The following KCNQ5 variants were observed in gnomAD, a reference collection of about 807,000 sequenced individuals.
The protein encoded by KCNQ5 is potassium voltage-gated channel subfamily KQT member 5.
Under a neutral mutation model 98.2 loss-of-function variants are expected in KCNQ5, and 30 were observed. The ratio of observed to expected loss-of-function variants is 0.31; its 90% CI spans 0.23 to 0.41. The LOEUF (loss-of-function observed/expected upper bound fraction) is 0.41. KCNQ5 is among the 10% of genes least tolerant of loss of function. The probability of loss-of-function intolerance (pLI) is 1.00; values close to 1 mark genes in which losing one functional copy is unlikely to be tolerated. For missense variants in KCNQ5, 835 were observed against 1,182.5 expected (o/e 0.71, Z 4.31); for synonymous variants, 458 against 449.4 (o/e 1.02, Z -0.24).
At chr6:72,665,626 A>C (rs1330310444) in intron 1 of KCNQ5, among the ~76,000 whole-genome samples, 1 of 152,222 alleles carries the variant, frequency 6.6e-6, no homozygotes, top group African/African-American at 2.4e-5. Flanking sequence ...GTCTCTGCCC[A>C]AAGCAACCAG....
intron 3 of KCNQ5, among the ~76,000 whole-genome samples, chr6:73,057,451 C>CACAT (rs1326830732): frequency 2.0e-5 from 3 of 151,664 alleles, no homozygotes; most frequent in African/African-American, 7.3e-5. Context: ...GCACATTGTG[C>CACAT]ACATGTACCT....
chr6:73,048,648 T>C (rs1772078568), intron 3 of KCNQ5, among the ~76,000 whole-genome samples: 1 of 152,186 alleles, frequency 6.6e-6, no homozygotes, highest in Non-Finnish European at 1.5e-5. Context: ...GAACTTCATA[T>C]CAGCAATATA....
chr6:72,819,859 T>C (rs980678640), intron 1 of KCNQ5, among the ~76,000 whole-genome samples: 2 of 152,244 alleles, frequency 1.3e-5, no homozygotes, highest in Non-Finnish European at 2.9e-5. Context: ...ACAGCACCTA[T>C]TGCCACTTCC....
chr6:72,728,957 C>T (rs1299331099), intron 1 of KCNQ5, among the ~76,000 whole-genome samples: 7 of 152,084 alleles, frequency 4.6e-5, no homozygotes, highest in Non-Finnish European at 1.0e-4. Context: ...ATAAAGTGAA[C>T]ATGTATTTCC....
At chr6:72,980,662 T>C (rs569908809) in intron 1 of KCNQ5, among the ~76,000 whole-genome samples, 205 of 152,332 alleles carry the variant, frequency 1.3e-3, no homozygotes, top group African/African-American at 4.8e-3. Flanking sequence ...GAATACCTTT[T>C]ATTGCTTTCT....
chr6:73,151,388 A>G (rs1777140777), intron 10 of KCNQ5, among the ~76,000 whole-genome samples: 1 of 152,088 alleles, frequency 6.6e-6, no homozygotes, highest in African/African-American at 2.4e-5. Context: ...TATTCTGGTA[A>G]ATGAAGATTT....
chr6:73,141,204 G>A (rs1329831126), intron 10 of KCNQ5, among the ~76,000 whole-genome samples: 2 of 152,188 alleles, frequency 1.3e-5, no homozygotes, highest in Non-Finnish European at 2.9e-5. Flanking sequence ...TGGAAAGGGC[G>A]AGGTTCCTCT....
chr6:72,939,934 T>C (rs1459971694), intron 1 of KCNQ5, among the ~76,000 whole-genome samples: 1 of 152,218 alleles, frequency 6.6e-6, no homozygotes, highest in Non-Finnish European at 1.5e-5. Context: ...ATTGGTTTTC[T>C]CTGTTTTGTA....
chr6:72,699,960 C>T (rs1413356224), intron 1 of KCNQ5, among the ~76,000 whole-genome samples: 1 of 152,124 alleles, frequency 6.6e-6, no homozygotes, highest in Non-Finnish European at 1.5e-5. Flanking sequence ...ATTGTTCCTT[C>T]TTCATCTGTA....
intron 1 of KCNQ5, among the ~76,000 whole-genome samples, chr6:72,698,550 G>A (rs771648356): frequency 1.3e-5 from 2 of 151,634 alleles, no homozygotes; most frequent in Non-Finnish European, 2.9e-5. Flanking sequence ...GGATTTTCTG[G>A]TCATTATATG....
intron 3 of KCNQ5, chr6:73,055,050 C>A (rs1772409295): frequency 1.7e-6 from 1 of 604,118 alleles, no homozygotes; most frequent in Admixed American, 2.3e-5. Flanking sequence ...CCAACAACAT[C>A]CAAGCTGAGA....
chr6:72,646,114 C>T (rs1765582467), intron 1 of KCNQ5, among the ~76,000 whole-genome samples: 1 of 152,076 alleles, frequency 6.6e-6, no homozygotes, highest in Non-Finnish European at 1.5e-5. Context: ...CACCCTATGT[C>T]CATTGTTAAT....
chr6:72,897,880 G>T (rs530130162), intron 1 of KCNQ5, among the ~76,000 whole-genome samples: 1 of 152,154 alleles, frequency 6.6e-6, no homozygotes, highest in East Asian at 1.9e-4. Context: ...TCTTATAATT[G>T]ATACTGTGCT....
At chr6:73,035,922 G>A (rs1232660465) in intron 2 of KCNQ5, among the ~76,000 whole-genome samples, 3 of 150,908 alleles carry the variant, frequency 2.0e-5, no homozygotes, top group Admixed American at 6.6e-5. Context: ...TCACAACCAG[G>A]ATAATAATAT....
At chr6:72,708,780 T>C (rs1004983955) in intron 1 of KCNQ5, among the ~76,000 whole-genome samples, 7 of 152,098 alleles carry the variant, frequency 4.6e-5, no homozygotes, top group Admixed American at 2.0e-4. Flanking sequence ...CCTTCTAAAG[T>C]GCTGGAATTA....
intron 1 of KCNQ5, among the ~76,000 whole-genome samples, chr6:72,689,524 G>A (rs1034962529): frequency 2.6e-5 from 4 of 152,218 alleles, no homozygotes; most frequent in African/African-American, 4.8e-5. Context: ...ATTTGTGAGA[G>A]ACCCACAATG....
rs748274568 is a variant in KCNQ5 at position 72,887,920 on chromosome 6, A to G, written c.399-115988A>G. On this transcript the variant is annotated intron_variant, in intron 1 of 13. Coordinates refer to ENST00000370398, the MANE Select transcript of KCNQ5 (RefSeq NM_019842.4). Reference sequence around the variant, plus strand: ...GGCTAAATACTTGAATTAAAAGACAAAGAATGACAGATAATACATTTTAAC... The same window carrying G: ...GGCTAAATACTTGAATTAAAAGACAGAGAATGACAGATAATACATTTTAAC... Among the ~76,000 whole-genome samples the G allele has an allele frequency of 4.5e-4, 68 of 152,190 alleles. 1 individual carries two copies. Among genetic ancestry groups the G allele is most frequent in the Non-Finnish European group, 5.7e-4 (39 of 68,026 alleles).
chr6:72,974,089 C>G (rs1768032733), intron 1 of KCNQ5, among the ~76,000 whole-genome samples: 2 of 152,152 alleles, frequency 1.3e-5, no homozygotes, highest in South Asian at 4.1e-4. Flanking sequence ...GAGTGGAAAT[C>G]ACATTTTAGC....
chr6:72,852,599 A>G (rs1056434874), intron 1 of KCNQ5, among the ~76,000 whole-genome samples: 32 of 134,680 alleles, frequency 2.4e-4, no homozygotes, highest in African/African-American at 6.3e-4. Flanking sequence ...GGTAGTTACC[A>G]GAGACCAGAG....
Sources: allele counts gnomAD v4.1 joint callset (sites outside exome capture counted in the v4.1 genomes callset), GRCh38; gene constraint gnomAD v4.1.1; transcripts MANE v1.5; gene names NCBI Gene and HGNC (gene_info 2026-07-23, HGNC 2026-07-21).